Variants in DAB1 observed in about 807,000 individuals in gnomAD.
DAB1 encodes disabled homolog 1.
Under a neutral mutation model 64.6 loss-of-function variants are expected in DAB1, and 15 were observed. That is an observed-to-expected ratio of 0.23 (90% confidence interval 0.16 to 0.36). DAB1 has a LOEUF of 0.36. Ranked by LOEUF, DAB1 falls within the 10% of genes least tolerant of loss-of-function variation. The probability of loss-of-function intolerance (pLI) is 1.00; values close to 1 mark genes in which losing one functional copy is unlikely to be tolerated. For synonymous variants in DAB1, 235 were observed against 251.9 expected (o/e 0.93, Z 0.64); for missense variants, 596 against 706.7 (o/e 0.84, Z 1.78).
intron 2 of DAB1, among the ~76,000 whole-genome samples, chr1:57,207,072 G>T (rs1665624454): frequency 7.1e-6 from 1 of 140,392 alleles, no homozygotes; most frequent in Admixed American, 7.8e-5. Flanking sequence ...AGGTTCAAGT[G>T]ATTCTCCTGC....
chr1:57,666,264 C>T (rs377339632), intron 6 of DAB1, among the ~76,000 whole-genome samples: 5 of 152,016 alleles, frequency 3.3e-5, no homozygotes, highest in South Asian at 2.1e-4. Context: ...GAAAAAAGGA[C>T]GAGGGTGACC....
chr1:58,082,769 C>T (rs933819310), intron 5 of DAB1, among the ~76,000 whole-genome samples: 20 of 151,988 alleles, frequency 1.3e-4, no homozygotes, highest in South Asian at 4.2e-4. Context: ...TTGCTGTAGC[C>T]GGCATCTGTG....
chr1:57,645,374 T>A (rs1300120969), intron 7 of DAB1, among the ~76,000 whole-genome samples: 1 of 152,108 alleles, frequency 6.6e-6, no homozygotes. Context: ...GAGGTCATTT[T>A]CCAGCCAGGG....
intron 3 of DAB1, among the ~76,000 whole-genome samples, chr1:58,403,367 A>T (rs919791319): frequency 4.6e-5 from 7 of 152,186 alleles, no homozygotes; most frequent in African/African-American, 1.7e-4. Flanking sequence ...ATAAAAAAGA[A>T]AATAAAGTAA....
At chr1:58,417,802 G>A (rs546935189) in intron 3 of DAB1, among the ~76,000 whole-genome samples, 1 of 152,274 alleles carries the variant, frequency 6.6e-6, no homozygotes, top group African/African-American at 2.4e-5. Flanking sequence ...GCAAGCAATG[G>A]GTGAGTTCTG....
intron 6 of DAB1, among the ~76,000 whole-genome samples, chr1:57,790,767 A>G (rs1292126597): frequency 6.6e-6 from 1 of 152,222 alleles, no homozygotes; most frequent in Non-Finnish European, 1.5e-5. Flanking sequence ...TTTTACCAGC[A>G]TGTTGCAAAC....
chr1:57,400,142 T>C (rs1683124768), intron 1 of DAB1, among the ~76,000 whole-genome samples: 1 of 152,230 alleles, frequency 6.6e-6, no homozygotes, highest in African/African-American at 2.4e-5. Flanking sequence ...GGCTTGTCCA[T>C]GTGAAAGCTC....
rs115390002 is a variant in DAB1, at chr1:57,392,535, G to T, written c.-137+31395C>A. ...TGCCACCTAAGACCTCAGTCTTCAC[G>T]AGGAAAAACCTTAAACCAATAAATT... On this transcript the variant is annotated intron_variant, in intron 1 of 14. Transcript: ENST00000371236. Among the ~76,000 whole-genome samples the T allele has an allele frequency of 2.6e-5, 4 of 152,254 alleles. No individual in the cohort carries two copies. The East Asian group carries it at 7.7e-4, about 29-fold the overall frequency.
chr1:57,673,292 T>C (rs3126012), intron 6 of DAB1, among the ~76,000 whole-genome samples: 40,042 of 152,058 alleles, frequency 0.26, 6,183 homozygotes, highest in Non-Finnish European at 0.36. Flanking sequence ...TACCATCACA[T>C]TGGGGATTAG....
intron 6 of DAB1, among the ~76,000 whole-genome samples, chr1:57,759,207 A>C (rs1569594773): frequency 6.6e-6 from 1 of 152,268 alleles, no homozygotes; most frequent in Admixed American, 6.5e-5. Context: ...GGGTCACTGC[A>C]TGGCCCAATA....
intron 2 of DAB1, among the ~76,000 whole-genome samples, chr1:57,231,593 C>A (rs1018405545): frequency 6.6e-6 from 1 of 152,164 alleles, no homozygotes; most frequent in African/African-American, 2.4e-5. Context: ...ACATATATCA[C>A]CTGATCCAGT....
At chr1:58,008,728 A>G (rs377497401) in intron 5 of DAB1, among the ~76,000 whole-genome samples, 8 of 152,182 alleles carry the variant, frequency 5.3e-5, no homozygotes, top group African/African-American at 1.7e-4. Context: ...AAAGACTTAG[A>G]GAAATGTTTA....
intron 4 of DAB1, among the ~76,000 whole-genome samples, chr1:58,279,901 G>A (rs192856965): frequency 1.3e-3 from 195 of 152,146 alleles, no homozygotes; most frequent in Non-Finnish European, 2.4e-3. Context: ...TTTGCAGATC[G>A]GCTCCATTGA....
chr1:58,461,784 A>C (rs910826714), intron 3 of DAB1, among the ~76,000 whole-genome samples: 1 of 152,212 alleles, frequency 6.6e-6, no homozygotes, highest in East Asian at 1.9e-4. Context: ...TTTATTTTCT[A>C]TCCTGATGAG....
At chr1:57,730,488 T>C (rs1183506477) in intron 6 of DAB1, among the ~76,000 whole-genome samples, 1 of 152,212 alleles carries the variant, frequency 6.6e-6, no homozygotes, top group East Asian at 1.9e-4. Context: ...CTTTTTTCTC[T>C]AATTCAAACC....
chr1:57,748,068 AT>A, intron 6 of DAB1, among the ~76,000 whole-genome samples: 1 of 152,248 alleles, frequency 6.6e-6, no homozygotes, highest in South Asian at 2.1e-4. Flanking sequence ...GCTCAAGGCA[AT>A]TTACAGAGAT....
At chr1:58,246,305 A>G (rs1660525936) in intron 4 of DAB1, among the ~76,000 whole-genome samples, 1 of 152,202 alleles carries the variant, frequency 6.6e-6, no homozygotes, top group Non-Finnish European at 1.5e-5. Flanking sequence ...TTTCAAGGAA[A>G]TTTCACTCTA....
intron 1 of DAB1, among the ~76,000 whole-genome samples, chr1:57,414,120 T>C (rs1227124999): frequency 6.6e-6 from 1 of 152,212 alleles, no homozygotes; most frequent in Admixed American, 6.5e-5. Context: ...AACTTATTGA[T>C]AAAGCAGTGT....
chr1:58,149,259 G>T (rs12758928), intron 5 of DAB1, among the ~76,000 whole-genome samples: 13,577 of 152,196 alleles, frequency 0.089, 801 homozygotes, highest in Non-Finnish European at 0.14. Flanking sequence ...GTGAACAAGA[G>T]ATTCTAATAG....
Sources: gnomAD v4.1 joint callset for allele counts (sites outside exome capture counted in the v4.1 genomes callset) on GRCh38, gnomAD v4.1.1 for gene constraint, MANE v1.5 for transcripts, NCBI Gene and HGNC (gene_info 2026-07-23, HGNC 2026-07-21) for gene names.